Variants in RBFOX1 observed in about 807,000 individuals in gnomAD.
RBFOX1 encodes RNA binding fox-1 homolog 1.
A neutral mutation model predicts 57.7 loss-of-function variants in RBFOX1; 8 were observed. The ratio of observed to expected loss-of-function variants is 0.14; its 90% CI spans 0.08 to 0.25. The LOEUF (loss-of-function observed/expected upper bound fraction) is 0.25, where lower values mean the gene tolerates loss of function less well. RBFOX1 is among the 10% of genes least tolerant of loss of function. RBFOX1 has a pLI of 1.00. For missense variants in RBFOX1, 611 were observed against 548.5 expected (o/e 1.11, Z -1.14); for synonymous variants, 326 against 222.4 (o/e 1.47, Z -4.15).
chr16:7,211,969 C>T (rs957698165), intron 4 of RBFOX1, among the ~76,000 whole-genome samples: 4 of 152,182 alleles, frequency 2.6e-5, no homozygotes, highest in African/African-American at 9.7e-5. Context: ...CTCCTACCCA[C>T]CCCTTCTCAC....
At chr16:5,965,621 A>G (rs2059828105) in intron 4 of RBFOX1, among the ~76,000 whole-genome samples, 1 of 152,222 alleles carries the variant, frequency 6.6e-6, no homozygotes, top group South Asian at 2.1e-4. Context: ...ACCTCCACAA[A>G]GCTTCAAAAG....
chr16:6,891,906 C>T (rs1400650529), intron 3 of RBFOX1, among the ~76,000 whole-genome samples: 1 of 152,178 alleles, frequency 6.6e-6, no homozygotes, highest in East Asian at 1.9e-4. Flanking sequence ...TCATTCTTTT[C>T]TTCCCTTTCT....
At chr16:7,412,466 C>G (rs939619420) in intron 4 of RBFOX1, among the ~76,000 whole-genome samples, 2 of 150,626 alleles carry the variant, frequency 1.3e-5, no homozygotes, top group African/African-American at 4.9e-5. Flanking sequence ...CATGGAAATT[C>G]TCTGTACAAA....
chr16:7,290,150 A>G (rs989686209), intron 4 of RBFOX1, among the ~76,000 whole-genome samples: 1 of 152,350 alleles, frequency 6.6e-6, no homozygotes. Context: ...TATAAGAGAG[A>G]TAAAAGGAGC....
chr16:5,247,925 A>G (rs1412889504), intron 1 of RBFOX1, among the ~76,000 whole-genome samples: 1 of 152,208 alleles, frequency 6.6e-6, no homozygotes, highest in Non-Finnish European at 1.5e-5. Context: ...GGCACAACCC[A>G]GGATTTTGAG....
intron 4 of RBFOX1, among the ~76,000 whole-genome samples, chr16:6,006,833 A>G (rs2094930357): frequency 6.6e-6 from 1 of 152,198 alleles, no homozygotes; most frequent in South Asian, 2.1e-4. Context: ...GGATTGTAGG[A>G]GGGAATGAGA....
intron 2 of RBFOX1, among the ~76,000 whole-genome samples, chr16:6,597,031 A>T (rs1160570410): frequency 6.6e-6 from 1 of 152,150 alleles, no homozygotes; most frequent in African/African-American, 2.4e-5. Context: ...AACTTGGTAA[A>T]GGTTTGATTT....
rs1356792383 is a variant in RBFOX1, at chr16:6,316,880, A to G, written c.-126-115A>G. The G allele has an allele frequency of 2.3e-5, 16 of 704,748 alleles. No individual in the cohort carries two copies. In the South Asian group the frequency reaches 2.5e-4, roughly 11 times the overall value. 43.7% of individuals were successfully genotyped at this position (704,748 alleles called of 1,614,324 possible). ...CACCATCATTGCTGTTAAATTCACA[A>G]TATAGTCAGAACCTATTTTGAAGGT... On this transcript the variant is annotated intron_variant, in intron 1 of 15. Transcript: ENST00000550418.
intron 3 of RBFOX1, among the ~76,000 whole-genome samples, chr16:6,859,409 C>G (rs1297488712): frequency 1.3e-5 from 2 of 151,746 alleles, no homozygotes; most frequent in Non-Finnish European, 2.9e-5. Context: ...GCTCTAATAT[C>G]ATAATTGATT....
At chr16:6,547,597 T>C (rs1299257412) in intron 2 of RBFOX1, among the ~76,000 whole-genome samples, 1 of 152,150 alleles carries the variant, frequency 6.6e-6, no homozygotes, top group Non-Finnish European at 1.5e-5. Flanking sequence ...CTCTGTCTCC[T>C]GAGGGAGGGG....
intron 3 of RBFOX1, among the ~76,000 whole-genome samples, chr16:5,764,671 G>C (rs1266287730): frequency 2.6e-5 from 4 of 152,150 alleles, no homozygotes; most frequent in African/African-American, 9.6e-5. Flanking sequence ...AAACCAACCT[G>C]GACTCAGTTC....
intron 3 of RBFOX1, among the ~76,000 whole-genome samples, chr16:5,672,924 C>T (rs1196585852): frequency 1.3e-5 from 2 of 151,822 alleles, no homozygotes; most frequent in African/African-American, 2.4e-5. Flanking sequence ...AATAGTAGTT[C>T]ATTCTCCATC....
intron 4 of RBFOX1, among the ~76,000 whole-genome samples, chr16:5,938,447 T>A (rs1447040310): frequency 6.6e-6 from 1 of 152,200 alleles, no homozygotes. Flanking sequence ...GATGGTCATG[T>A]TGCATAGCTA....
chr16:7,529,402 C>CA (rs1346890324), intron 5 of RBFOX1, among the ~76,000 whole-genome samples: 1 of 152,230 alleles, frequency 6.6e-6, no homozygotes, highest in Non-Finnish European at 1.5e-5. Context: ...GTAGGCATTA[C>CA]AAAATTACAA....
intron 4 of RBFOX1, among the ~76,000 whole-genome samples, chr16:5,999,336 A>G (rs1322506092): frequency 6.6e-6 from 1 of 152,204 alleles, no homozygotes; most frequent in Non-Finnish European, 1.5e-5. Flanking sequence ...CAGCTCAGAC[A>G]TCACTTCCAC....
At chr16:6,842,795 A>G (rs202143004) in intron 3 of RBFOX1, among the ~76,000 whole-genome samples, 2 of 151,500 alleles carry the variant, frequency 1.3e-5, no homozygotes, top group African/African-American at 4.9e-5. Context: ...TGCATTAGGT[A>G]TTTGTCCTAA....
rs1354918357 is a variant in RBFOX1 at position 7,712,436 on chromosome 16, C to T, written c.*1691C>T. 1 of 152,596 alleles carries T rather than the reference C, an allele frequency of 6.6e-6. No individual in the cohort carries two copies. Among genetic ancestry groups the T allele is most frequent in the East Asian group, 1.9e-4 (1 of 5,188 alleles). The allele number at this position is 152,596 out of a possible 1,614,324, so 9.5% of individuals were successfully genotyped here. On this transcript the variant is annotated 3_prime_UTR_variant, in exon 16 of 16. Transcript: ENST00000550418. Reference sequence around the variant, plus strand: ...TGTGATCCAGCTTTCTCTTGCCATCCTATGTGCATGCCGTAAGATCAGTTG... The same window carrying T: ...TGTGATCCAGCTTTCTCTTGCCATCTTATGTGCATGCCGTAAGATCAGTTG...
rs138330935 is a variant in RBFOX1, at chr16:6,467,404, A to G, written c.-64+150347A>G. Among the ~76,000 whole-genome samples the G allele has an allele frequency of 5.9e-3, 903 of 152,198 alleles. 9 individuals carry two copies. Among genetic ancestry groups the G allele is most frequent in the African/African-American group, 0.021 (868 of 41,532 alleles). ...TTTTTATAGTATTGTTATTTTAATA[A>G]TTATTTATGTTACTGTTAAATAAGT... is the stretch of plus-strand genomic sequence containing the variant. On this transcript the variant is annotated intron_variant, in intron 2 of 15. Coordinates refer to ENST00000550418, the MANE Select transcript of RBFOX1 (RefSeq NM_018723.4).
intron 3 of RBFOX1, among the ~76,000 whole-genome samples, chr16:6,922,895 G>A (rs2074787398): frequency 1.3e-5 from 2 of 152,164 alleles, no homozygotes; most frequent in Non-Finnish European, 2.9e-5. Flanking sequence ...TCTTAAACAA[G>A]GGGGTCTATA....
Sources: gnomAD v4.1 joint callset for allele counts (sites outside exome capture counted in the v4.1 genomes callset) on GRCh38, gnomAD v4.1.1 for gene constraint, MANE v1.5 for transcripts, NCBI Gene and HGNC (gene_info 2026-07-23, HGNC 2026-07-21) for gene names.